The following ITGA1 variants were observed in gnomAD, a reference collection of about 807,000 sequenced individuals.
The protein encoded by ITGA1 is integrin subunit alpha 1.
In ITGA1, 85 loss-of-function variants were observed where a neutral mutation model predicts 145.9. The observed-to-expected ratio is 0.58, with a 90% CI of 0.49 to 0.70. The LOEUF (loss-of-function observed/expected upper bound fraction) is 0.70, where lower values mean the gene tolerates loss of function less well. ITGA1 is among the 30% of genes least tolerant of loss of function. ITGA1 has a pLI of 0.00. For missense variants in ITGA1, 1,351 were observed against 1,418.7 expected, an observed-to-expected ratio of 0.95 and a Z score of 0.77; for synonymous variants, 520 against 495.3, an observed-to-expected ratio of 1.05 and a Z score of -0.66.
At chr5:52,823,890 A>G (rs1210173047) in intron 1 of ITGA1, among the ~76,000 whole-genome samples, 1 of 152,250 alleles carries the variant, frequency 6.6e-6, no homozygotes, top group Admixed American at 6.5e-5. Context: ...AGCTTTACAA[A>G]TAAATTAAAC....
chr5:52,797,121 G>C (rs1438424691), intron 1 of ITGA1, among the ~76,000 whole-genome samples: 3 of 151,892 alleles, frequency 2.0e-5, no homozygotes, highest in Non-Finnish European at 4.4e-5. Context: ...GAAATACTAA[G>C]CCATAAACAA....
intron 1 of ITGA1, among the ~76,000 whole-genome samples, chr5:52,818,777 A>G (rs6887205): frequency 0.31 from 46,587 of 151,992 alleles, 7,749 homozygotes; most frequent in African/African-American, 0.45. Flanking sequence ...AAGGTATCTA[A>G]TTCCTCACCA....
intron 6 of ITGA1, among the ~76,000 whole-genome samples, chr5:52,878,638 C>T (rs570239151): frequency 1.3e-5 from 2 of 152,232 alleles, no homozygotes; most frequent in African/African-American, 4.8e-5. Flanking sequence ...TGGCAGTTTA[C>T]GACAATTAGA....
chr5:52,788,777 G>A (rs987613610), intron 1 of ITGA1, among the ~76,000 whole-genome samples: 1 of 152,146 alleles, frequency 6.6e-6, no homozygotes, highest in Non-Finnish European at 1.5e-5. Context: ...TGGGATGGGA[G>A]GGTGATGCTT....
chr5:52,919,699 G>T (rs1475705593), intron 16 of ITGA1, among the ~76,000 whole-genome samples: 1 of 152,114 alleles, frequency 6.6e-6, no homozygotes, highest in East Asian at 1.9e-4. Flanking sequence ...ATGATTTTGA[G>T]TTTTATATGT....
chr5:52,930,102 A>ATACTT (rs1364871589), intron 21 of ITGA1, among the ~76,000 whole-genome samples: 1 of 152,192 alleles, frequency 6.6e-6, no homozygotes, highest in African/African-American at 2.4e-5. Flanking sequence ...GTAATTTAAT[A>ATACTT]TACTTTATTC....
intron 3 of ITGA1, 127 bp downstream of exon 3, chr5:52,861,686 C>T (rs1317533327): frequency 6.4e-6 from 4 of 627,930 alleles, no homozygotes; most frequent in Non-Finnish European, 1.1e-5. Flanking sequence ...GCCTGGGCAA[C>T]CTGACGAAAC....
At chr5:52,845,285 C>T (rs1749314810) in intron 1 of ITGA1, among the ~76,000 whole-genome samples, 2 of 152,138 alleles carry the variant, frequency 1.3e-5, no homozygotes, top group Non-Finnish European at 2.9e-5. Context: ...TGATCCTTTT[C>T]CCCTTTTCTC....
intron 8 of ITGA1, among the ~76,000 whole-genome samples, chr5:52,892,198 G>T (rs1045673228): frequency 1.3e-5 from 2 of 152,092 alleles, no homozygotes; most frequent in Non-Finnish European, 2.9e-5. Flanking sequence ...TAACTACACC[G>T]AGGAAGAAAT....
At chr5:52,800,608 A>G (rs1748454006) in intron 1 of ITGA1, 7 of 1,613,864 alleles carry the variant, frequency 4.3e-6, no homozygotes, top group Non-Finnish European at 5.1e-6. Flanking sequence ...CGTGGAGGCC[A>G]TCGACTTCGA....
intron 28 of ITGA1, among the ~76,000 whole-genome samples, chr5:52,948,599 C>T (rs1751169329): frequency 6.6e-6 from 1 of 152,190 alleles, no homozygotes; most frequent in African/African-American, 2.4e-5. Context: ...AAACAAAATT[C>T]TCCACTATAG....
In ITGA1 at chr5:52,958,953, T is replaced by C. The variant is rs1751340242; in HGVS notation, c.*6502T>C. The C allele has an allele frequency of 6.6e-6, 1 of 152,200 alleles. No individual in the cohort carries two copies. Among genetic ancestry groups the C allele is most frequent in the Non-Finnish European group, 1.5e-5 (1 of 68,026 alleles). The allele number at this position is 152,200 out of a possible 1,614,324, so 9.4% of individuals were successfully genotyped here. A position where few individuals can be genotyped will look rare whatever the true frequency, so the allele number is the denominator to read the frequency against. On this transcript the variant is annotated 3_prime_UTR_variant, in exon 29 of 29. Coordinates refer to ENST00000282588, the MANE Select transcript of ITGA1 (RefSeq NM_181501.2). ...CTTTGTTGACTCTTGTAATTTATTA[T>C]ATGCTTCATTTAAACCCATTTTGTA... is the stretch of plus-strand genomic sequence containing the variant.
intron 22 of ITGA1, 30 bp from the exon 23 acceptor site, chr5:52,933,864 T>A: frequency 1.8e-6 from 2 of 1,137,744 alleles, no homozygotes; most frequent in Non-Finnish European, 2.5e-6. Context: ...CTTTGTTATG[T>A]TTTATTTTTC....
rs938780128 is a variant in ITGA1, at chr5:52,956,077, T to C, written c.*3626T>C. The C allele has an allele frequency of 6.6e-6, 1 of 152,112 alleles. No individual in the cohort carries two copies. Among genetic ancestry groups the C allele is most frequent in the African/African-American group, 2.4e-5 (1 of 41,404 alleles). The allele number at this position is 152,112 out of a possible 1,614,324, so 9.4% of individuals were successfully genotyped here. On this transcript the variant is annotated 3_prime_UTR_variant, in exon 29 of 29. Coordinates refer to ENST00000282588, the MANE Select transcript of ITGA1 (RefSeq NM_181501.2). ...TTTGCACCAAAAGAAAAAAGTGCCA[T>C]TGTTGTGATCAATGGAGTAAAGCTG...
Position 52,910,186 on chromosome 5 carries a change from C to G in ITGA1, c.1624C>G (p.Leu542Val), listed in dbSNP as rs1484996526. ...GACAAGGTTTGAATATCAAATGAGC[C>G]TGGAACCTATTAAGCAGACGTGCTG... ...NQTRFEYQMSLEPIKQTCCSS... is the reference protein window; with the variant it reads ...NQTRFEYQMSVEPIKQTCCSS... The change falls in exon 14 of 29, where the codon CTG becomes GTG. Residue 542 changes from leucine (L) to valine (V), a missense_variant. By Grantham distance (32) the Leu-to-Val change is conservative. Transcript: ENST00000282588. 1.2e-6 allele frequency: 2 copies of G among 1,610,684 alleles called. No homozygotes were observed. The highest frequency in any genetic ancestry group is 8.5e-7 in the Non-Finnish European group (1 of 1,177,148).
rs58664401 is a variant in ITGA1 at position 52,872,575 on chromosome 5, A to ATTT, written c.624+6774_624+6776dup. Reference sequence around the variant, plus strand: ...CTTCCCCTTACACCCGCCTCAGTCAATTTTTTTTTTTTTTTTTTGTGGGTG... The same window carrying ATTT: ...CTTCCCCTTACACCCGCCTCAGTCAATTTTTTTTTTTTTTTTTTTTTGTGGGTG... On this transcript the variant is annotated intron_variant, in intron 6 of 28. Transcript: ENST00000282588. Among the ~76,000 whole-genome samples the ATTT allele has an allele frequency of 3.2e-4, 31 of 98,368 alleles. 5 individuals are homozygous for ATTT. In the East Asian group the frequency reaches 0.012, roughly 37 times the overall value. The allele number at this position is 98,368 out of a possible 152,430, so 64.5% of individuals were successfully genotyped here.
intron 6 of ITGA1, among the ~76,000 whole-genome samples, chr5:52,881,519 G>A (rs1052151753): frequency 8.5e-5 from 13 of 152,234 alleles, no homozygotes; most frequent in Non-Finnish European, 1.8e-4. Context: ...GAATGATCAC[G>A]TGTTTAATCT....
Position 52,788,370 on chromosome 5 carries a change from G to C in ITGA1, c.17G>C (p.Arg6Pro). 1 of 1,510,940 alleles carries C rather than the reference G, an allele frequency of 6.6e-7. No homozygotes were observed. Among genetic ancestry groups the C allele is most frequent in the Non-Finnish European group, 8.8e-7 (1 of 1,134,020 alleles). 93.6% of individuals were successfully genotyped at this position (1,510,940 alleles called of 1,614,324 possible). The change falls in exon 1 of 29, where the codon CGC (arginine) becomes CCC (proline). Residue 6 changes from arginine to proline, a missense_variant. Arg to Pro is a moderately radical substitution (Grantham distance 103). Coordinates refer to ENST00000282588, the MANE Select transcript of ITGA1 (RefSeq NM_181501.2). Reference protein sequence around the residue: MAPRPRARPGVAVACC... With the variant: MAPRPPARPGVAVACC... ...GCTCCGGCCATGGCCCCTCGGCCCC[G>C]CGCCCGCCCAGGGGTCGCTGTCGCC...
At chr5:52,818,752 A>G (rs1214264296) in intron 1 of ITGA1, among the ~76,000 whole-genome samples, 1 of 152,224 alleles carries the variant, frequency 6.6e-6, no homozygotes, top group Non-Finnish European at 1.5e-5. Context: ...ATCCAGCACC[A>G]ACACATACAT....
Sources: allele counts gnomAD v4.1 joint callset (sites outside exome capture counted in the v4.1 genomes callset), GRCh38; gene constraint gnomAD v4.1.1; transcripts MANE v1.5; gene names NCBI Gene and HGNC (gene_info 2026-07-23, HGNC 2026-07-21).